The following DLG2 variants were observed in gnomAD, a reference collection of about 807,000 sequenced individuals.
DLG2 encodes the protein disks large homolog 2.
In DLG2, 45 loss-of-function variants were observed where a neutral mutation model predicts 132.5. The ratio of observed to expected loss-of-function variants is 0.34; its 90% CI spans 0.27 to 0.44. The LOEUF is 0.44. Ranked by LOEUF, DLG2 falls within the 20% of genes least tolerant of loss-of-function variation. DLG2 has a pLI of 1.00. For missense variants in DLG2, 1,045 were observed against 1,196.9 expected (o/e 0.87, Z 1.87); for synonymous variants, 424 against 419.6 (o/e 1.01, Z -0.13).
intron 15 of DLG2, among the ~76,000 whole-genome samples, chr11:83,923,260 T>C (rs765374427): frequency 1.1e-4 from 17 of 152,178 alleles, no homozygotes; most frequent in Admixed American, 2.6e-4. Context: ...CTAATGTGGC[T>C]AGTGCCTGGA....
At chr11:84,976,307 C>T (rs2054896423) in intron 6 of DLG2, among the ~76,000 whole-genome samples, 1 of 151,982 alleles carries the variant, frequency 6.6e-6, no homozygotes, top group South Asian at 2.1e-4. Flanking sequence ...TTATTTAATA[C>T]CAATTGAACT....
intron 22 of DLG2, 41 bp from the exon 23 acceptor site, chr11:83,472,818 C>G: frequency 6.5e-7 from 1 of 1,543,054 alleles, no homozygotes; most frequent in Non-Finnish European, 8.9e-7. Flanking sequence ...AACTAACAGT[C>G]ATATATTACA....
At chr11:84,893,581 T>G (rs1201254647) in intron 6 of DLG2, among the ~76,000 whole-genome samples, 1 of 152,184 alleles carries the variant, frequency 6.6e-6, no homozygotes, top group Non-Finnish European at 1.5e-5. Context: ...TTTACTCAGT[T>G]GAGTCTCACT....
intron 15 of DLG2, among the ~76,000 whole-genome samples, chr11:83,886,382 C>G: frequency 6.6e-6 from 1 of 152,142 alleles, no homozygotes; most frequent in Non-Finnish European, 1.5e-5. Flanking sequence ...GGGATCAATT[C>G]AACAAGAAGA....
intron 6 of DLG2, among the ~76,000 whole-genome samples, chr11:84,924,726 C>T (rs2092912987): frequency 6.6e-6 from 1 of 152,130 alleles, no homozygotes; most frequent in South Asian, 2.1e-4. Flanking sequence ...TTATCCTAAG[C>T]TGGAGATCCT....
At chr11:84,172,257 A>T (rs929446172) in intron 8 of DLG2, among the ~76,000 whole-genome samples, 2 of 152,184 alleles carry the variant, frequency 1.3e-5, no homozygotes, top group African/African-American at 2.4e-5. Flanking sequence ...CAGTTTTATT[A>T]AAAACTCATC....
At position 84,409,983 on chromosome 11, in the gene DLG2, T is replaced by C. The variant is rs960152543; in HGVS notation, c.519+124587A>G. ...CATATTGACTCAAGAGGCTATTCAA[T>C]GTAATGTCATCCTTTTAGAGAAAAA... On this transcript the variant is annotated intron_variant, in intron 7 of 27. Coordinates refer to ENST00000376104, the MANE Select transcript of DLG2 (RefSeq NM_001142699.3). 2.6e-5 allele frequency among the ~76,000 whole-genome samples: 4 copies of C among 152,178 alleles called. No homozygotes were observed. In the East Asian group the frequency reaches 7.7e-4, roughly 29 times the overall value.
At chr11:84,839,364 A>C (rs577247606) in intron 6 of DLG2, among the ~76,000 whole-genome samples, 147 of 152,274 alleles carry the variant, frequency 9.7e-4, no homozygotes, top group African/African-American at 3.5e-3. Flanking sequence ...AAATGGAAGA[A>C]CATTCCATGC....
rs926183903 is a variant in DLG2, at chr11:84,018,125, T to C, written c.920-37483A>G. 5.9e-5 allele frequency among the ~76,000 whole-genome samples: 9 copies of C among 152,072 alleles called. No individual in the cohort carries two copies. The East Asian group carries it at 1.7e-3, about 29-fold the overall frequency. The stretch of plus-strand genomic sequence containing the variant: ...AGAAAATTTTAGCTAATTTTTTTTC[T>C]TTTCTTTTTTTCTGGTCATTATCTC... On this transcript the variant is annotated intron_variant, in intron 11 of 27. Transcript: ENST00000376104.
At chr11:85,603,643 C>T (rs1234687772) in intron 2 of DLG2, among the ~76,000 whole-genome samples, 5 of 151,924 alleles carry the variant, frequency 3.3e-5, no homozygotes, top group East Asian at 3.9e-4. Context: ...TGGCCAGGCA[C>T]GGTGGCTCAC....
chr11:85,503,520 T>C (rs996709401), intron 3 of DLG2, among the ~76,000 whole-genome samples: 2 of 152,052 alleles, frequency 1.3e-5, no homozygotes, highest in Admixed American at 6.6e-5. Flanking sequence ...TATGACAGAA[T>C]TGAACAGTAG....
intron 18 of DLG2, among the ~76,000 whole-genome samples, chr11:83,648,410 G>A (rs1471300931): frequency 1.3e-5 from 2 of 152,146 alleles, no homozygotes; most frequent in African/African-American, 4.8e-5. Flanking sequence ...TGCCTCTGAA[G>A]AGGAGAAATT....
intron 3 of DLG2, among the ~76,000 whole-genome samples, chr11:85,490,132 A>G (rs1455333102): frequency 6.6e-6 from 1 of 152,044 alleles, no homozygotes; most frequent in Non-Finnish European, 1.5e-5. Context: ...AGACTGCAGT[A>G]AGCTATAATC....
At chr11:84,598,516 C>T (rs2154531802) in intron 6 of DLG2, among the ~76,000 whole-genome samples, 1 of 152,286 alleles carries the variant, frequency 6.6e-6, no homozygotes, top group East Asian at 1.9e-4. Flanking sequence ...CTATTCATCA[C>T]TAAATTCTGA....
chr11:83,731,498 A>G (rs970912777), intron 18 of DLG2, among the ~76,000 whole-genome samples: 6 of 152,204 alleles, frequency 3.9e-5, no homozygotes, highest in African/African-American at 1.2e-4. Flanking sequence ...ATAGTATTCC[A>G]TGGTGTATAC....
intron 3 of DLG2, among the ~76,000 whole-genome samples, chr11:85,331,271 C>T (rs2081721553): frequency 6.6e-6 from 1 of 152,046 alleles, no homozygotes; most frequent in Admixed American, 6.6e-5. Context: ...AATAGACGCC[C>T]TATAAAAAGG....
At chr11:84,174,023 T>TTTTTTTTTTTTTTTG in intron 8 of DLG2, among the ~76,000 whole-genome samples, 1 of 140,148 alleles carries the variant, frequency 7.1e-6, no homozygotes, top group Non-Finnish European at 1.6e-5. Flanking sequence ...CCTTTTTTTT[T>TTTTTTTTTTTTTTTG]TTTTTTTTTT....
chr11:84,460,957 G>A (rs2099078627), intron 7 of DLG2, among the ~76,000 whole-genome samples: 1 of 150,704 alleles, frequency 6.6e-6, no homozygotes, highest in Non-Finnish European at 1.5e-5. Context: ...TTAAGAAGCA[G>A]CTTTTGCATA....
At chr11:84,558,044 G>A (rs1372068452) in intron 6 of DLG2, among the ~76,000 whole-genome samples, 3 of 152,060 alleles carry the variant, frequency 2.0e-5, no homozygotes, top group East Asian at 1.9e-4. Context: ...AAATCTCATC[G>A]ACAGGATTTA....
Sources: allele counts gnomAD v4.1 joint callset (sites outside exome capture counted in the v4.1 genomes callset), GRCh38; gene constraint gnomAD v4.1.1; transcripts MANE v1.5; gene names NCBI Gene and HGNC (gene_info 2026-07-23, HGNC 2026-07-21).